Variants in FBXL13 observed in about 807,000 individuals in gnomAD.
FBXL13 encodes the protein F-box and leucine-rich repeat protein 13.
Under a neutral mutation model 83.6 loss-of-function variants are expected in FBXL13, and 67 were observed. The observed-to-expected ratio is 0.80, with a 90% CI of 0.66 to 0.98. The LOEUF is 0.98. Among genes scored for constraint, FBXL13 ranks in the 50% least tolerant of loss-of-function variants. FBXL13 has a pLI of 0.00. For synonymous variants in FBXL13, 272 were observed against 299.5 expected, an observed-to-expected ratio of 0.91 and a Z score of 0.95; for missense variants, 822 against 866.5, an observed-to-expected ratio of 0.95 and a Z score of 0.64.
chr7:102,816,908 C>T (rs1423417324), intron 19 of FBXL13, among the ~76,000 whole-genome samples: 4 of 152,166 alleles, frequency 2.6e-5, no homozygotes, highest in South Asian at 2.1e-4. Context: ...GGCCTCCAGC[C>T]GCATCCATGT....
chr7:103,008,287 C>A (rs144196300), intron 6 of FBXL13, among the ~76,000 whole-genome samples: 7 of 152,100 alleles, frequency 4.6e-5, no homozygotes, highest in Non-Finnish European at 1.0e-4. Context: ...CAAGGAGACA[C>A]GACAACCAAT....
intron 16 of FBXL13, among the ~76,000 whole-genome samples, chr7:102,855,839 T>G (rs1226106921): frequency 1.3e-5 from 2 of 152,104 alleles, no homozygotes; most frequent in East Asian, 3.8e-4. Context: ...TTGTTTTTTT[T>G]GTTTGTTTGT....
rs114512958 is a variant in FBXL13 at position 102,878,361 on chromosome 7, C to A, written c.1478G>T (p.Ser493Ile). 1.9e-4 allele frequency: 306 copies of A among 1,607,914 alleles called. 1 individual carries two copies. In the African/African-American group the frequency reaches 3.6e-3, roughly 19 times the overall value. ...AGATAGTTTCATAACAGAGGCATCA[C>A]TTAGCCGCACACAGTTGCTTAAATT... Residue 493 changes from serine to isoleucine, a missense_variant, in exon 15 of 20, where the codon AGT (serine) becomes ATT (isoleucine). By Grantham distance (142) the Ser-to-Ile change is moderately radical. Transcript: ENST00000313221.
intron 11 of FBXL13, among the ~76,000 whole-genome samples, chr7:102,889,876 C>T (rs767002891): frequency 1.3e-5 from 2 of 152,066 alleles, no homozygotes; most frequent in Non-Finnish European, 2.9e-5. Context: ...CTTTGTAACA[C>T]GTTCATGACA....
At chr7:102,891,513 G>C (rs919306520) in intron 11 of FBXL13, among the ~76,000 whole-genome samples, 1 of 152,166 alleles carries the variant, frequency 6.6e-6, no homozygotes, top group Non-Finnish European at 1.5e-5. Flanking sequence ...CACAGTGCCT[G>C]GTGCAGAGTG....
intron 10 of FBXL13, among the ~76,000 whole-genome samples, chr7:102,921,362 T>C (rs969030962): frequency 1.3e-5 from 2 of 152,138 alleles, no homozygotes; most frequent in Non-Finnish European, 2.9e-5. Flanking sequence ...TATATGTATA[T>C]ACACACAGAA....
At chr7:102,814,922 C>A (rs1385006121) in intron 19 of FBXL13, among the ~76,000 whole-genome samples, 1 of 152,090 alleles carries the variant, frequency 6.6e-6, no homozygotes, top group Non-Finnish European at 1.5e-5. Context: ...GGGTTTATAT[C>A]TTTTGCTTTT....
intron 6 of FBXL13, among the ~76,000 whole-genome samples, chr7:103,006,419 T>C (rs1369025891): frequency 6.6e-6 from 1 of 152,158 alleles, no homozygotes; most frequent in Non-Finnish European, 1.5e-5. Context: ...TCATACAGGA[T>C]TGAGAAATTT....
chr7:102,848,707 C>T (rs1210605078), intron 17 of FBXL13, among the ~76,000 whole-genome samples: 2 of 150,956 alleles, frequency 1.3e-5, no homozygotes, highest in African/African-American at 4.9e-5. Flanking sequence ...TAAAAAGCAA[C>T]CAGAGGCCAG....
chr7:103,026,680 TCTC>T (rs1408635326), intron 5 of FBXL13, among the ~76,000 whole-genome samples: 5 of 152,116 alleles, frequency 3.3e-5, no homozygotes, highest in African/African-American at 7.2e-5. Flanking sequence ...AAGTAATAAA[TCTC>T]CTCATACTCT....
chr7:102,992,505 A>G (rs986318009), intron 6 of FBXL13, among the ~76,000 whole-genome samples: 1 of 152,144 alleles, frequency 6.6e-6, no homozygotes, highest in Non-Finnish European at 1.5e-5. Flanking sequence ...TGTCTTTCAT[A>G]TGCTAGATCA....
intron 8 of FBXL13, among the ~76,000 whole-genome samples, chr7:102,936,883 C>T (rs1820418800): frequency 6.6e-6 from 1 of 152,022 alleles, no homozygotes; most frequent in Admixed American, 6.5e-5. Context: ...TTGGGCCATT[C>T]CCTCCCCCAA....
intron 2 of FBXL13, among the ~76,000 whole-genome samples, chr7:103,033,022 T>TTGTTGCC (rs1246170601): frequency 1.3e-5 from 2 of 151,788 alleles, no homozygotes; most frequent in Non-Finnish European, 2.9e-5. Context: ...AGAGTGAGAC[T>TTGTTGCC]CTCTCTCTCT....
chr7:102,987,526 A>C (rs139881829), intron 6 of FBXL13, among the ~76,000 whole-genome samples: 2 of 152,336 alleles, frequency 1.3e-5, no homozygotes, highest in African/African-American at 4.8e-5. Context: ...ATCCAAGCAC[A>C]GTTCTTAGGG....
At chr7:102,880,014 T>A (rs532524728) in intron 14 of FBXL13, among the ~76,000 whole-genome samples, 3 of 152,360 alleles carry the variant, frequency 2.0e-5, no homozygotes, top group South Asian at 4.1e-4. Context: ...CGGGCATCTA[T>A]AGTTTTATTC....
intron 17 of FBXL13, among the ~76,000 whole-genome samples, chr7:102,836,758 C>T (rs1435656429): frequency 6.6e-6 from 1 of 152,166 alleles, no homozygotes; most frequent in Admixed American, 6.5e-5. Flanking sequence ...AAATAGGGTA[C>T]GTAGAGGAGA....
chr7:102,973,611 C>G (rs760064853), intron 6 of FBXL13: 1 of 766,118 alleles, frequency 1.3e-6, no homozygotes, highest in Non-Finnish European at 2.4e-6. Context: ...ATACAAGAAT[C>G]TTTCATCTGG....
At chr7:102,913,353 C>T in intron 10 of FBXL13, 138 bp from the exon 12 acceptor site, 2 of 992,308 alleles carry the variant, frequency 2.0e-6, no homozygotes, top group Non-Finnish European at 2.9e-6. Flanking sequence ...TTACTGTTAA[C>T]TCTCTACCTG....
chr7:103,074,221 G>T, intron 1 of FBXL13: 1 of 992,080 alleles, frequency 1.0e-6, no homozygotes, highest in East Asian at 1.1e-4. Context: ...CTGCCCTCAC[G>T]GCTCCATGGA....
Sources: gnomAD v4.1 joint callset for allele counts (sites outside exome capture counted in the v4.1 genomes callset) on GRCh38, gnomAD v4.1.1 for gene constraint, MANE v1.5 for transcripts, NCBI Gene and HGNC (gene_info 2026-07-23, HGNC 2026-07-21) for gene names.